NXPE4: variants seen among roughly 807,000 people sequenced by gnomAD.
The protein encoded by NXPE4 is NXPE family member 4.
A neutral mutation model predicts 33.3 loss-of-function variants in NXPE4; 42 were observed. That is an observed-to-expected ratio of 1.26 (90% CI 0.98 to 1.63). The LOEUF is 1.63. Among genes scored for constraint, NXPE4 ranks in the 40% most tolerant of loss-of-function variants. The pLI is 0.00. For missense variants in NXPE4, 709 were observed against 647.6 expected, an observed-to-expected ratio of 1.09 and a Z score of -1.03; for synonymous variants, 253 against 234.9, an observed-to-expected ratio of 1.08 and a Z score of -0.71.
chr11:114,670,321 C>A, the NXPE4 span, among the ~76,000 whole-genome samples: 2 of 151,964 alleles, frequency 1.3e-5, no homozygotes, highest in Admixed American at 6.6e-5. Context: ...ATGCCCAAGC[C>A]TTTACTTTCT....
the NXPE4 span, among the ~76,000 whole-genome samples, chr11:114,642,198 C>A: frequency 6.6e-6 from 1 of 151,978 alleles, no homozygotes; most frequent in African/African-American, 2.4e-5. Flanking sequence ...TGGCATTTTA[C>A]TTCTGTGGTC....
chr11:114,653,498 CTT>C, the NXPE4 span, among the ~76,000 whole-genome samples: 1 of 150,232 alleles, frequency 6.7e-6, no homozygotes, highest in Non-Finnish European at 1.5e-5. Context: ...ATTTCATTAC[CTT>C]TTCTTGTTAG....
the NXPE4 span, among the ~76,000 whole-genome samples, chr11:114,636,226 T>C: frequency 1.3e-5 from 2 of 152,114 alleles, no homozygotes; most frequent in Non-Finnish European, 2.9e-5. Context: ...ATCCATTTTT[T>C]CTAGATTCTC....
the NXPE4 span, among the ~76,000 whole-genome samples, chr11:114,627,753 G>C: frequency 6.6e-6 from 1 of 152,146 alleles, no homozygotes; most frequent in South Asian, 2.1e-4. Flanking sequence ...AGACCCATCA[G>C]TGTGCTGTAT....
the NXPE4 span, among the ~76,000 whole-genome samples, chr11:114,617,713 T>A: frequency 6.6e-6 from 1 of 152,154 alleles, no homozygotes; most frequent in African/African-American, 2.4e-5. Context: ...TAACCACTGT[T>A]ACCCAATGCG....
chr11:114,639,205 T>G, the NXPE4 span, among the ~76,000 whole-genome samples: 7 of 151,512 alleles, frequency 4.6e-5, no homozygotes, highest in East Asian at 1.9e-4. Context: ...CTGCCGCCTT[T>G]CAGTTTGATC....
At chr11:114,643,099 A>T in the NXPE4 span, among the ~76,000 whole-genome samples, 2 of 151,982 alleles carry the variant, frequency 1.3e-5, no homozygotes, top group Non-Finnish European at 2.9e-5. Context: ...CCACATTTTG[A>T]TGGGGTTGTT....
upstream of NXPE4, among the ~76,000 whole-genome samples, chr11:114,599,084 C>G (rs75807027): frequency 6.6e-5 from 10 of 152,126 alleles, no homozygotes; most frequent in Admixed American, 5.9e-4. Context: ...CACATGCATA[C>G]GAGCATAGGT....
the NXPE4 span, among the ~76,000 whole-genome samples, chr11:114,677,234 T>C: frequency 1.3e-5 from 2 of 152,046 alleles, no homozygotes; most frequent in African/African-American, 2.4e-5. Context: ...TAATACTTTA[T>C]TGCATACTTG....
At chr11:114,609,526 G>C in the NXPE4 span, among the ~76,000 whole-genome samples, 3 of 151,778 alleles carry the variant, frequency 2.0e-5, no homozygotes, top group African/African-American at 7.3e-5. Flanking sequence ...TGCTTCGTGG[G>C]TAACCACTGT....
intron 2 of NXPE4, among the ~76,000 whole-genome samples, chr11:114,586,100 T>A (rs1949290828): frequency 6.6e-6 from 1 of 152,148 alleles, no homozygotes; most frequent in Non-Finnish European, 1.5e-5. Context: ...GACCAATCTT[T>A]TTTGCCCTGT....
At chr11:114,572,881 C>G (rs187958938) in intron 5 of NXPE4, among the ~76,000 whole-genome samples, 1 of 152,138 alleles carries the variant, frequency 6.6e-6, no homozygotes, top group African/African-American at 2.4e-5. Flanking sequence ...AAATTCATCA[C>G]AGAAAGATCA....
At chr11:114,618,645 T>A in the NXPE4 span, among the ~76,000 whole-genome samples, 1 of 150,860 alleles carries the variant, frequency 6.6e-6, no homozygotes, top group African/African-American at 2.4e-5. Flanking sequence ...GTTCCCCGGT[T>A]TATAATAAGT....
chr11:114,622,977 G>A, the NXPE4 span, among the ~76,000 whole-genome samples: 31 of 151,476 alleles, frequency 2.0e-4, no homozygotes, highest in African/African-American at 6.8e-4. Context: ...GTATTGCCTC[G>A]TAGGAAACCA....
At chr11:114,661,064 G>T in the NXPE4 span, among the ~76,000 whole-genome samples, 11 of 152,028 alleles carry the variant, frequency 7.2e-5, no homozygotes, top group African/African-American at 2.7e-4. Context: ...AAATACACAA[G>T]ATCTATATAC....
At chr11:114,584,000 G>A (rs11828654) in intron 2 of NXPE4, 9,293 of 366,000 alleles carry the variant, frequency 0.025, 774 homozygotes, top group African/African-American at 0.18. Context: ...CAAAGTAATA[G>A]AGATGTTCCT....
At chr11:114,621,986 T>G in the NXPE4 span, among the ~76,000 whole-genome samples, 1 of 152,122 alleles carries the variant, frequency 6.6e-6, no homozygotes, top group Non-Finnish European at 1.5e-5. Context: ...GGGTAACCAC[T>G]GTTAACCGGT....
intron 5 of NXPE4, among the ~76,000 whole-genome samples, chr11:114,578,886 G>T (rs74899715): frequency 0.035 from 5,292 of 152,290 alleles, 139 homozygotes; most frequent in Middle Eastern, 0.085. Flanking sequence ...TGCAATGGCT[G>T]TTGTTTTTTT....
At chr11:114,646,671 T>A in the NXPE4 span, among the ~76,000 whole-genome samples, 777 of 152,240 alleles carry the variant, frequency 5.1e-3, 3 homozygotes, top group African/African-American at 0.017. Flanking sequence ...ATAGACCCAA[T>A]TACCTCAATA....
Sources: gnomAD v4.1 joint callset for allele counts (sites outside exome capture counted in the v4.1 genomes callset) on GRCh38, gnomAD v4.1.1 for gene constraint, MANE v1.5 for transcripts, NCBI Gene and HGNC (gene_info 2026-07-23, HGNC 2026-07-21) for gene names.